The following ADAMTS9 variants were observed in gnomAD, a reference collection of about 807,000 sequenced individuals.
The protein encoded by ADAMTS9 is A disintegrin and metalloproteinase with thrombospondin motifs 9.
In ADAMTS9, 107 loss-of-function variants were observed where a neutral mutation model predicts 257.1. The ratio of observed to expected loss-of-function variants is 0.42; its 90% CI spans 0.36 to 0.49. The LOEUF (loss-of-function observed/expected upper bound fraction) is 0.49, where lower values mean the gene tolerates loss of function less well. Ranked by LOEUF, ADAMTS9 falls within the 20% of genes least tolerant of loss-of-function variation. The pLI is 0.03. For synonymous variants in ADAMTS9, 982 were observed against 880.9 expected (o/e 1.11, Z -2.03); for missense variants, 2,353 against 2,469.1 (o/e 0.95, Z 1.00).
intron 16 of ADAMTS9, among the ~76,000 whole-genome samples, chr3:64,629,795 G>A (rs193220777): frequency 1.3e-5 from 2 of 152,308 alleles, no homozygotes; most frequent in East Asian, 3.9e-4. Flanking sequence ...AAGTGAGTGA[G>A]TGACTGAATG....
At chr3:64,656,774 C>T (rs1033866596) in intron 4 of ADAMTS9, among the ~76,000 whole-genome samples, 7 of 151,714 alleles carry the variant, frequency 4.6e-5, no homozygotes, top group African/African-American at 1.5e-4. Context: ...GGCACGGAGG[C>T]CAGGCAGGGT....
rs1387424914 is a variant in ADAMTS9 at position 64,622,612 on chromosome 3, C to A, written c.2390-26G>T. 8.1e-6 allele frequency: 13 copies of A among 1,610,436 alleles called. No homozygotes were observed. The South Asian group carries it at 1.1e-4, about 14-fold the overall frequency. On this transcript the variant is annotated intron_variant, in intron 16 of 39. Transcript: ENST00000498707. Reference sequence around the variant, plus strand: ...CTGTAGGTGAAGAAACAGAATAATACATTGATCTGCTGTCAATGACTAGCT... The same window carrying A: ...CTGTAGGTGAAGAAACAGAATAATAAATTGATCTGCTGTCAATGACTAGCT...
chr3:64,656,399 G>A (rs964314190), intron 4 of ADAMTS9, among the ~76,000 whole-genome samples: 4 of 152,094 alleles, frequency 2.6e-5, no homozygotes, highest in African/African-American at 9.7e-5. Context: ...CATGCATTTA[G>A]TCTCTACACA....
chr3:64,630,660 C>T (rs1350082895), intron 16 of ADAMTS9, among the ~76,000 whole-genome samples: 2 of 152,120 alleles, frequency 1.3e-5, no homozygotes, highest in Non-Finnish European at 2.9e-5. Flanking sequence ...GGAAAAATAG[C>T]TAATGCATGC....
chr3:64,558,509 A>G (rs188128829), intron 30 of ADAMTS9, among the ~76,000 whole-genome samples: 8 of 152,274 alleles, frequency 5.3e-5, no homozygotes, highest in Admixed American at 3.9e-4. Flanking sequence ...CTCACATTGT[A>G]TAAAAATGGC....
intron 22 of ADAMTS9, among the ~76,000 whole-genome samples, chr3:64,608,827 C>A (rs2084613703): frequency 6.6e-6 from 1 of 151,464 alleles, no homozygotes; most frequent in African/African-American, 2.4e-5. Context: ...GAAGACAACA[C>A]ACACACACAC....
intron 31 of ADAMTS9, among the ~76,000 whole-genome samples, chr3:64,547,281 C>T (rs1164901312): frequency 6.6e-6 from 1 of 152,008 alleles, no homozygotes; most frequent in South Asian, 2.1e-4. Context: ...CATCTTCAGC[C>T]CAACTGCACA....
intron 3 of ADAMTS9, among the ~76,000 whole-genome samples, chr3:64,673,927 G>A (rs1331595579): frequency 1.3e-5 from 2 of 151,888 alleles, no homozygotes; most frequent in African/African-American, 4.8e-5. Flanking sequence ...ATGTATGCTT[G>A]AAGATGTTCA....
intron 3 of ADAMTS9, among the ~76,000 whole-genome samples, chr3:64,677,178 G>A (rs1420357675): frequency 6.6e-6 from 1 of 152,120 alleles, no homozygotes; most frequent in Non-Finnish European, 1.5e-5. Context: ...TGAGCACAGT[G>A]AATTTTACTG....
intron 28 of ADAMTS9, among the ~76,000 whole-genome samples, chr3:64,579,427 T>G (rs2083937130): frequency 6.6e-6 from 1 of 152,196 alleles, no homozygotes; most frequent in African/African-American, 2.4e-5. Flanking sequence ...CTACGCTATC[T>G]CCTATCCTTC....
chr3:64,682,090 G>A (rs900866514), intron 2 of ADAMTS9, among the ~76,000 whole-genome samples: 3 of 152,212 alleles, frequency 2.0e-5, no homozygotes, highest in Admixed American at 6.5e-5. Context: ...CCTTTCCTTT[G>A]CAAAATAGGG....
At chr3:64,666,667 A>T (rs1701360187) in intron 3 of ADAMTS9, among the ~76,000 whole-genome samples, 1 of 152,242 alleles carries the variant, frequency 6.6e-6, no homozygotes, top group Non-Finnish European at 1.5e-5. Context: ...TGCAAAGAGT[A>T]ACTGTGGAGA....
At chr3:64,639,697 C>G (rs978842813) in intron 12 of ADAMTS9, among the ~76,000 whole-genome samples, 1 of 152,106 alleles carries the variant, frequency 6.6e-6, no homozygotes, top group Admixed American at 6.5e-5. Context: ...AATAACTTTG[C>G]TCAATGTAGC....
chr3:64,640,766 T>C (rs966277658), intron 12 of ADAMTS9, among the ~76,000 whole-genome samples: 13 of 152,200 alleles, frequency 8.5e-5, no homozygotes, highest in African/African-American at 2.7e-4. Context: ...CTTAGATCCA[T>C]GTAAAATTGG....
At chr3:64,564,497 A>G (rs2083490599) in intron 29 of ADAMTS9, among the ~76,000 whole-genome samples, 1 of 152,214 alleles carries the variant, frequency 6.6e-6, no homozygotes, top group East Asian at 1.9e-4. Flanking sequence ...ATAAGTAACA[A>G]TAATAGCAAT....
At chr3:64,548,162 C>T (rs2083226541) in intron 31 of ADAMTS9, among the ~76,000 whole-genome samples, 1 of 152,158 alleles carries the variant, frequency 6.6e-6, no homozygotes, top group East Asian at 1.9e-4. Flanking sequence ...ATGTCTCCTG[C>T]TGCTTTTAGT....
At chr3:64,529,307 G>A (rs1199770622) in intron 38 of ADAMTS9, among the ~76,000 whole-genome samples, 5 of 152,212 alleles carry the variant, frequency 3.3e-5, no homozygotes, top group East Asian at 3.8e-4. Flanking sequence ...CAGCGTTACT[G>A]TTCTTCAAGT....
rs529293656 is a variant in ADAMTS9 at position 64,589,337 on chromosome 3, C to T, written c.4356+4921G>A. ...GGCTAAATGAAGTTTGAGTTTTAGG[C>T]ACATCCTTTATGGAATATAAACAGG... On this transcript the variant is annotated intron_variant, in intron 28 of 39. Coordinates refer to ENST00000498707, the MANE Select transcript of ADAMTS9 (RefSeq NM_182920.2). The T allele has an allele frequency of 1.3e-4, 20 of 152,274 alleles. No homozygotes were observed. The East Asian group carries it at 3.5e-3, about 27-fold the overall frequency. 9.4% of individuals were successfully genotyped at this position (152,274 alleles called of 1,614,324 possible). A position where few individuals can be genotyped will look rare whatever the true frequency, so the allele number is the denominator to read the frequency against.
intron 37 of ADAMTS9, among the ~76,000 whole-genome samples, chr3:64,534,918 A>G (rs2083030167): frequency 1.3e-5 from 2 of 152,146 alleles, no homozygotes; most frequent in African/African-American, 2.4e-5. Context: ...TACAAAGGGT[A>G]GATTTACCCT....
Sources: allele counts gnomAD v4.1 joint callset (sites outside exome capture counted in the v4.1 genomes callset), GRCh38; gene constraint gnomAD v4.1.1; transcripts MANE v1.5; gene names NCBI Gene and HGNC (gene_info 2026-07-23, HGNC 2026-07-21).